ARHGAP44: variants seen among roughly 807,000 people sequenced by gnomAD.
ARHGAP44 encodes the protein rho GTPase-activating protein 44.
A neutral mutation model predicts 106.8 loss-of-function variants in ARHGAP44; 43 were observed. That is an observed-to-expected ratio of 0.40 (90% confidence interval 0.32 to 0.52). The LOEUF (loss-of-function observed/expected upper bound fraction) is 0.52, where lower values mean the gene tolerates loss of function less well. Among genes scored for constraint, ARHGAP44 ranks in the 20% least tolerant of loss-of-function variants. The pLI is 0.48. For synonymous variants in ARHGAP44, 439 were observed against 410.3 expected, an observed-to-expected ratio of 1.07 and a Z score of -0.85; for missense variants, 866 against 1,050.5, an observed-to-expected ratio of 0.82 and a Z score of 2.43.
intron 19 of ARHGAP44, among the ~76,000 whole-genome samples, chr17:12,981,297 T>C (rs553509032): frequency 6.6e-6 from 1 of 152,188 alleles, no homozygotes; most frequent in African/African-American, 2.4e-5. Flanking sequence ...GAAGGTTGAA[T>C]AGGAGTTGGG....
chr17:12,974,276 G>C lies in ARHGAP44; in HGVS notation c.1729G>C (p.Gly577Arg). 2 of 1,483,844 alleles carry C rather than the reference G, an allele frequency of 1.3e-6. No individual in the cohort carries two copies. The highest frequency in any genetic ancestry group is 1.8e-6 in the Non-Finnish European group (2 of 1,122,300). 91.9% of individuals were successfully genotyped at this position (1,483,844 alleles called of 1,614,324 possible). A position where few individuals can be genotyped will look rare whatever the true frequency, so the allele number is the denominator to read the frequency against. The change falls in exon 18 of 21, where the codon GGC becomes CGC. Residue 577 changes from glycine (G) to arginine (R), a missense_variant. By Grantham distance (125) the Gly-to-Arg change is moderately radical. This residue lies in a region of ARHGAP44 where 418 missense variants were observed against 403.6 expected (regional missense o/e 1.04). Coordinates refer to ENST00000379672, the MANE Select transcript of ARHGAP44 (RefSeq NM_014859.6). ...SPAAPALSPS[G>R]LGLQPGPERT... is the part of the protein sequence containing the mutation. ...CGCGGCCCCCGCGCTCTCTCCATCC[G>C]GCCTGGGCCTCCAGCCTGGGCCCGA... is the stretch of plus-strand genomic sequence containing the variant.
chr17:12,980,439 A>G (rs1414819018), intron 19 of ARHGAP44, among the ~76,000 whole-genome samples: 1 of 152,194 alleles, frequency 6.6e-6, no homozygotes, highest in Non-Finnish European at 1.5e-5. Flanking sequence ...TGGGCTCATT[A>G]GGGGCGTATA....
At chr17:12,790,264 A>C in intron 1 of ARHGAP44, 1 of 216,896 alleles carries the variant, frequency 4.6e-6, no homozygotes. Flanking sequence ...AGGCAGCCGA[A>C]CCGCAGTCGG....
chr17:12,881,050 T>C (rs1487089565), intron 1 of ARHGAP44, among the ~76,000 whole-genome samples: 2 of 152,138 alleles, frequency 1.3e-5, no homozygotes, highest in African/African-American at 2.4e-5. Context: ...TAAAAAGTGC[T>C]GATCTTTAGC....
In ARHGAP44 at chr17:12,986,820, C is replaced by T. The variant is rs923112160; in HGVS notation, c.2317+1912C>T. 3.5e-5 allele frequency: 12 copies of T among 344,136 alleles called. No homozygotes were observed. In the South Asian group the frequency reaches 8.9e-4, roughly 26 times the overall value. The allele number at this position is 344,136 out of a possible 1,614,324, so 21.3% of individuals were successfully genotyped here. Reference sequence around the variant, plus strand: ...ACAGCACCCCCAGGGCTCTAAGAAGCGGAGTGGCTCATGTTCCATCTTGCA... The same window carrying T: ...ACAGCACCCCCAGGGCTCTAAGAAGTGGAGTGGCTCATGTTCCATCTTGCA... On this transcript the variant is annotated intron_variant, in intron 20 of 20. Coordinates refer to ENST00000379672, the MANE Select transcript of ARHGAP44 (RefSeq NM_014859.6).
At chr17:12,943,770 C>T in intron 9 of ARHGAP44, 101 bp downstream of exon 9, 4 of 1,249,718 alleles carry the variant, frequency 3.2e-6, no homozygotes, top group Middle Eastern at 2.7e-4. Context: ...ACACTCTGCC[C>T]AACAGCATCA....
intron 16 of ARHGAP44, among the ~76,000 whole-genome samples, chr17:12,959,522 T>A (rs978826459): frequency 6.6e-6 from 1 of 152,212 alleles, no homozygotes; most frequent in African/African-American, 2.4e-5. Context: ...TTAGTTTATA[T>A]AATATTGAAC....
intron 19 of ARHGAP44, 153 bp from the exon 20 acceptor site, chr17:12,984,378 G>GA (rs2039904588): frequency 2.9e-6 from 2 of 684,394 alleles, no homozygotes; most frequent in African/African-American, 3.7e-5. Context: ...AATGTGGCAA[G>GA]AGGCCGGGGG....
intron 16 of ARHGAP44, among the ~76,000 whole-genome samples, chr17:12,966,016 A>G (rs1050421455): frequency 1.3e-5 from 2 of 152,162 alleles, no homozygotes. Flanking sequence ...TTAGCCAGGC[A>G]TGGTGGCACA....
At chr17:12,826,388 C>T (rs960710862) in intron 1 of ARHGAP44, among the ~76,000 whole-genome samples, 23 of 152,312 alleles carry the variant, frequency 1.5e-4, no homozygotes, top group Admixed American at 3.9e-4. Context: ...AAAGCCTTGT[C>T]AGCCATTTGA....
rs545341933 is a variant in ARHGAP44, at chr17:12,812,129, A to C, written c.53+22238A>C. Among the ~76,000 whole-genome samples the C allele has an allele frequency of 3.3e-5, 5 of 152,312 alleles. No individual in the cohort carries two copies. The East Asian group carries it at 7.7e-4, about 24-fold the overall frequency. On this transcript the variant is annotated intron_variant, in intron 1 of 20. Coordinates refer to ENST00000379672, the MANE Select transcript of ARHGAP44 (RefSeq NM_014859.6). ...GGTGGGGAACATGAGGCAAACAAAC[A>C]TGAGTAAGTCTAATAATCTTACCCT...
intron 1 of ARHGAP44, among the ~76,000 whole-genome samples, chr17:12,816,293 A>AAAGAAGGTGACCTTCTCCAGTT (rs2034594888): frequency 1.3e-5 from 2 of 152,156 alleles, no homozygotes; most frequent in Admixed American, 1.3e-4. Context: ...AAACTTGAGC[A>AAAGAAGGTGACCTTCTCCAGTT]AAGAAGGTGA....
At chr17:12,793,623 G>A (rs1487599822) in intron 1 of ARHGAP44, among the ~76,000 whole-genome samples, 2 of 151,922 alleles carry the variant, frequency 1.3e-5, no homozygotes, top group Non-Finnish European at 2.9e-5. Flanking sequence ...CGGGAGAATC[G>A]CTTGAACCCG....
At chr17:12,864,678 C>G (rs2036182201) in intron 1 of ARHGAP44, among the ~76,000 whole-genome samples, 3 of 151,942 alleles carry the variant, frequency 2.0e-5, no homozygotes, top group Non-Finnish European at 1.5e-5. Context: ...AGCACAAACT[C>G]TAAACTAGAA....
chr17:12,838,625 G>C (rs1046584817), intron 1 of ARHGAP44, among the ~76,000 whole-genome samples: 3 of 152,126 alleles, frequency 2.0e-5, no homozygotes, highest in Non-Finnish European at 2.9e-5. Flanking sequence ...TGTAGTTTGA[G>C]TGCAGGAAGA....
chr17:12,889,319 T>A (rs1346660179), intron 1 of ARHGAP44, among the ~76,000 whole-genome samples: 3 of 152,204 alleles, frequency 2.0e-5, no homozygotes, highest in Non-Finnish European at 4.4e-5. Flanking sequence ...GAAATTTTAT[T>A]TTCTCAGAGT....
At chr17:12,859,686 A>G (rs1322448513) in intron 1 of ARHGAP44, among the ~76,000 whole-genome samples, 2 of 152,206 alleles carry the variant, frequency 1.3e-5, no homozygotes, top group African/African-American at 4.8e-5. Context: ...TGGAGCAGGT[A>G]TAATACACAC....
chr17:12,883,571 T>A (rs952055131), intron 1 of ARHGAP44, among the ~76,000 whole-genome samples: 3 of 152,082 alleles, frequency 2.0e-5, no homozygotes, highest in Non-Finnish European at 1.5e-5. Flanking sequence ...CTTTCAACTC[T>A]AAATATTTTA....
intron 1 of ARHGAP44, among the ~76,000 whole-genome samples, chr17:12,860,856 CTTTTTT>C (rs71144929): frequency 1.5e-5 from 2 of 135,814 alleles, no homozygotes; most frequent in African/African-American, 5.8e-5. Context: ...TTTTTCTATT[CTTTTTT>C]TTTTTTTTTT....
Sources: gnomAD v4.1 joint callset for allele counts (sites outside exome capture counted in the v4.1 genomes callset) on GRCh38, gnomAD v4.1.1 for gene constraint, gnomAD v4.1.1 regional missense constraint, MANE v1.5 for transcripts, NCBI Gene and HGNC (gene_info 2026-07-23, HGNC 2026-07-21) for gene names.